TUSC3: variants seen among roughly 807,000 people sequenced by gnomAD.
TUSC3 encodes the protein tumor suppressor candidate 3, also known as dolichyl-diphosphooligosaccharide--protein glycosyltransferase subunit TUSC3.
A neutral mutation model predicts 44.8 loss-of-function variants in TUSC3; 45 were observed. That is an observed-to-expected ratio of 1.00 (90% CI 0.79 to 1.29). The LOEUF (loss-of-function observed/expected upper bound fraction) is 1.29, where lower values mean the gene tolerates loss of function less well. TUSC3 is among the 50% of genes most tolerant of loss of function. The pLI, the probability that TUSC3 is intolerant of heterozygous loss-of-function variation, is 0.00. For missense variants in TUSC3, 519 were observed against 437.9 expected (o/e 1.19, Z -1.65); for synonymous variants, 212 against 152.9 (o/e 1.39, Z -2.85).
At chr8:15,700,515 A>G (rs1291528646) in intron 6 of TUSC3, among the ~76,000 whole-genome samples, 2 of 152,170 alleles carry the variant, frequency 1.3e-5, no homozygotes, top group African/African-American at 4.8e-5. Context: ...TCTTCAGTTA[A>G]TGGACAAGTG....
At chr8:15,478,539 G>C (rs1800614162) in intron 1 of TUSC3, among the ~76,000 whole-genome samples, 1 of 152,112 alleles carries the variant, frequency 6.6e-6, no homozygotes, top group Non-Finnish European at 1.5e-5. Context: ...TTGGTTTTCT[G>C]TTCCTGTGTT....
chr8:15,783,422 C>G, the TUSC3 span, among the ~76,000 whole-genome samples: 3 of 152,058 alleles, frequency 2.0e-5, no homozygotes, highest in Admixed American at 1.3e-4. Flanking sequence ...CTGAAGCAAT[C>G]ATGAGCAAAA....
intron 7 of TUSC3, among the ~76,000 whole-genome samples, chr8:15,739,034 T>C (rs1340108704): frequency 1.3e-5 from 2 of 151,758 alleles, no homozygotes; most frequent in African/African-American, 2.4e-5. Context: ...GATTTCACCA[T>C]ATTGGCCAGG....
intron 3 of TUSC3, among the ~76,000 whole-genome samples, chr8:15,655,707 G>C (rs1807130607): frequency 6.6e-6 from 1 of 152,144 alleles, no homozygotes; most frequent in African/African-American, 2.4e-5. Flanking sequence ...CAAGAATCAA[G>C]TTGCTGCAGA....
chr8:15,508,259 C>CA (rs1383711520), intron 2 of TUSC3, among the ~76,000 whole-genome samples: 6 of 151,626 alleles, frequency 4.0e-5, no homozygotes, highest in African/African-American at 7.3e-5. Flanking sequence ...ACAACAAAAA[C>CA]AAAAAACAAA....
upstream of TUSC3, among the ~76,000 whole-genome samples, chr8:15,537,947 T>C (rs1238705784): frequency 6.6e-6 from 1 of 152,178 alleles, no homozygotes; most frequent in African/African-American, 2.4e-5. Flanking sequence ...AGCCATTGTT[T>C]AGGAGTGTTA....
chr8:15,550,223 T>C (rs1802014123), intron 1 of TUSC3, among the ~76,000 whole-genome samples: 1 of 151,726 alleles, frequency 6.6e-6, no homozygotes, highest in Admixed American at 6.6e-5. Flanking sequence ...CATTTCTGCC[T>C]TTTAGTTTTT....
chr8:15,585,716 C>T (rs1803569534), intron 1 of TUSC3, among the ~76,000 whole-genome samples: 1 of 152,110 alleles, frequency 6.6e-6, no homozygotes, highest in South Asian at 2.1e-4. Context: ...CTGGGCAAGT[C>T]ACCTGTGTAG....
At chr8:15,477,871 C>G (rs777480848) in intron 1 of TUSC3, among the ~76,000 whole-genome samples, 1 of 152,000 alleles carries the variant, frequency 6.6e-6, no homozygotes, top group Non-Finnish European at 1.5e-5. Context: ...TTTCCTCTTT[C>G]TTGACTATTT....
chr8:15,420,776 T>A (rs6981134), intron 1 of TUSC3, among the ~76,000 whole-genome samples: 1 of 152,054 alleles, frequency 6.6e-6, no homozygotes, highest in Admixed American at 6.5e-5. Context: ...TCTTCAGTGA[T>A]GCACTTTCTT....
intron 2 of TUSC3, among the ~76,000 whole-genome samples, chr8:15,483,677 A>G (rs1348142400): frequency 5.4e-5 from 2 of 36,996 alleles, no homozygotes; most frequent in Admixed American, 4.5e-4. Flanking sequence ...TTTTTTTGAG[A>G]CTAAGTTTCG....
At chr8:15,691,966 A>C in intron 6 of TUSC3, among the ~76,000 whole-genome samples, 1 of 151,964 alleles carries the variant, frequency 6.6e-6, no homozygotes, top group Admixed American at 6.6e-5. Flanking sequence ...TTTTTAGTAG[A>C]GACAGGGTCT....
chr8:15,485,759 A>G (rs566696927), intron 2 of TUSC3, among the ~76,000 whole-genome samples: 1 of 150,934 alleles, frequency 6.6e-6, no homozygotes, highest in South Asian at 2.1e-4. Flanking sequence ...TTATTTGAGA[A>G]CTTTGCTTTG....
intron 2 of TUSC3, among the ~76,000 whole-genome samples, chr8:15,511,597 C>T (rs1204779029): frequency 6.6e-6 from 1 of 152,118 alleles, no homozygotes; most frequent in Non-Finnish European, 1.5e-5. Flanking sequence ...GGACTGGGTG[C>T]AGTAGCTCAC....
At chr8:15,570,621 C>G (rs1047764536) in intron 1 of TUSC3, among the ~76,000 whole-genome samples, 1 of 152,028 alleles carries the variant, frequency 6.6e-6, no homozygotes, top group African/African-American at 2.4e-5. Context: ...TTAATATTTG[C>G]TAACTATTTT....
intron 2 of TUSC3, among the ~76,000 whole-genome samples, chr8:15,507,953 G>A (rs1287857695): frequency 6.6e-6 from 1 of 152,106 alleles, no homozygotes; most frequent in Non-Finnish European, 1.5e-5. Flanking sequence ...GTCAAAACTT[G>A]CTCTGAGGCC....
chr8:15,456,493 C>G (rs1800258224), intron 1 of TUSC3, among the ~76,000 whole-genome samples: 1 of 152,054 alleles, frequency 6.6e-6, no homozygotes, highest in Admixed American at 6.6e-5. Context: ...AGGAGGGCTT[C>G]CACGATCAGT....
At chr8:15,535,149 C>G (rs956141155) in intron 2 of TUSC3, among the ~76,000 whole-genome samples, 2 of 152,100 alleles carry the variant, frequency 1.3e-5, no homozygotes, top group African/African-American at 4.8e-5. Context: ...AAAGCATATT[C>G]AAATAAATAG....
chr8:15,713,994 TTAAG>T (rs1258614634), intron 6 of TUSC3, among the ~76,000 whole-genome samples: 1 of 152,146 alleles, frequency 6.6e-6, no homozygotes, highest in Non-Finnish European at 1.5e-5. Context: ...GGCTTACTGA[TTAAG>T]TTTTATTTTA....
Sources: allele counts gnomAD v4.1 joint callset (sites outside exome capture counted in the v4.1 genomes callset), GRCh38; gene constraint gnomAD v4.1.1; transcripts MANE v1.5; gene names NCBI Gene and HGNC (gene_info 2026-07-23, HGNC 2026-07-21).